Variants in NEGR1 observed in about 807,000 individuals in gnomAD.
NEGR1 encodes IgLON family member 4.
In NEGR1, 10 loss-of-function variants were observed where a neutral mutation model predicts 40.9. The observed-to-expected ratio is 0.24, with a 90% confidence interval of 0.15 to 0.42. NEGR1 has a LOEUF of 0.42. Among genes scored for constraint, NEGR1 ranks in the 10% least tolerant of loss-of-function variants. The pLI is 1.00. For synonymous variants in NEGR1, 185 were observed against 166.8 expected, an observed-to-expected ratio of 1.11 and a Z score of -0.84; for missense variants, 352 against 438.9, an observed-to-expected ratio of 0.80 and a Z score of 1.77.
chr1:72,110,442 G>C (rs1025148319), intron 1 of NEGR1, among the ~76,000 whole-genome samples: 1 of 151,480 alleles, frequency 6.6e-6, no homozygotes, highest in Admixed American at 6.6e-5. Context: ...AAGTAAGAAA[G>C]AGTCTTTCTT....
chr1:71,524,944 T>C (rs3843259), intron 6 of NEGR1, among the ~76,000 whole-genome samples: 38,628 of 151,622 alleles, frequency 0.25, 6,283 homozygotes, highest in East Asian at 0.61. Flanking sequence ...GGAAAATAGA[T>C]TTTCTCCTAC....
intron 1 of NEGR1, among the ~76,000 whole-genome samples, chr1:72,062,316 C>G (rs1647191786): frequency 6.6e-6 from 1 of 151,854 alleles, no homozygotes; most frequent in Non-Finnish European, 1.5e-5. Flanking sequence ...ATCCTCCAGG[C>G]AGAATTAATC....
rs569042406 is a variant in NEGR1, at chr1:71,487,586, T to C, written c.941-80016A>G. Among the ~76,000 whole-genome samples, 39 of 151,888 alleles carry C rather than the reference T, an allele frequency of 2.6e-4. No homozygotes were observed. In the East Asian group the frequency reaches 6.6e-3, roughly 26 times the overall value. On this transcript the variant is annotated intron_variant, in intron 6 of 6. Transcript: ENST00000357731. ...CTCCATTTTTGTATCATTAGCCAAA[T>C]TGACTAATATGAAGTCTGCTCAGGA...
At chr1:71,451,463 A>G (rs1386645061) in intron 6 of NEGR1, among the ~76,000 whole-genome samples, 2 of 151,558 alleles carry the variant, frequency 1.3e-5, no homozygotes, top group Non-Finnish European at 2.9e-5. Flanking sequence ...CCTCCCGAGT[A>G]GCTGGGATTA....
At chr1:72,125,279 C>A (rs1258294578) in intron 1 of NEGR1, among the ~76,000 whole-genome samples, 3 of 151,982 alleles carry the variant, frequency 2.0e-5, no homozygotes, top group African/African-American at 7.2e-5. Context: ...TAAAAGGCTA[C>A]ATGGGCACAT....
At chr1:71,619,089 T>C (rs1008172922) in intron 4 of NEGR1, among the ~76,000 whole-genome samples, 1 of 152,156 alleles carries the variant, frequency 6.6e-6, no homozygotes, top group Non-Finnish European at 1.5e-5. Context: ...AAGGATATGG[T>C]CATTTATTTC....
At chr1:71,513,656 G>C (rs1005310555) in intron 6 of NEGR1, among the ~76,000 whole-genome samples, 1 of 152,166 alleles carries the variant, frequency 6.6e-6, no homozygotes, top group Non-Finnish European at 1.5e-5. Context: ...AGGAGAAACT[G>C]AGATTCACGG....
chr1:71,465,220 G>C (rs1373275293), intron 6 of NEGR1, among the ~76,000 whole-genome samples: 1 of 152,098 alleles, frequency 6.6e-6, no homozygotes, highest in Non-Finnish European at 1.5e-5. Flanking sequence ...AAACAGCAGA[G>C]TCAGGTATTT....
chr1:72,044,943 T>G (rs904043955), intron 1 of NEGR1, among the ~76,000 whole-genome samples: 6 of 151,848 alleles, frequency 4.0e-5, no homozygotes, highest in Non-Finnish European at 7.4e-5. Context: ...TTGTGGTACT[T>G]AAGAACAGGG....
intron 1 of NEGR1, among the ~76,000 whole-genome samples, chr1:72,247,144 C>T (rs1227701963): frequency 1.3e-5 from 2 of 152,176 alleles, no homozygotes; most frequent in African/African-American, 2.4e-5. Context: ...GAGGGGCTGT[C>T]ATTAAGGTCT....
chr1:71,438,000 A>G (rs951304055), intron 6 of NEGR1, among the ~76,000 whole-genome samples: 2 of 152,200 alleles, frequency 1.3e-5, no homozygotes, highest in African/African-American at 2.4e-5. Context: ...CAGGGGCTGC[A>G]TGGTTTGCTA....
chr1:71,801,019 C>G (rs1557657300), intron 2 of NEGR1, among the ~76,000 whole-genome samples: 1 of 152,188 alleles, frequency 6.6e-6, no homozygotes, highest in Non-Finnish European at 1.5e-5. Flanking sequence ...CCTGCAACTA[C>G]CTTCTTTCCT....
At chr1:71,596,044 CAAA>C (rs148493700) in intron 5 of NEGR1, among the ~76,000 whole-genome samples, 74,522 of 132,524 alleles carry the variant, frequency 0.56, 20,655 homozygotes, top group Middle Eastern at 0.65. Flanking sequence ...CTCCCTGCCA[CAAA>C]AAAAAAAAAA....
chr1:72,083,269 C>A (rs1268358058), intron 1 of NEGR1, among the ~76,000 whole-genome samples: 1 of 152,066 alleles, frequency 6.6e-6, no homozygotes, highest in East Asian at 1.9e-4. Context: ...TGCCTGCCTG[C>A]CTCCTTCCCT....
At chr1:71,575,546 G>A (rs1412287946) in intron 6 of NEGR1, among the ~76,000 whole-genome samples, 1 of 152,208 alleles carries the variant, frequency 6.6e-6, no homozygotes, top group Non-Finnish European at 1.5e-5. Flanking sequence ...TACTTTGGGA[G>A]GCCGAGGTGG....
chr1:72,136,086 T>A (rs899189675), intron 1 of NEGR1, among the ~76,000 whole-genome samples: 2 of 152,018 alleles, frequency 1.3e-5, no homozygotes, highest in South Asian at 4.1e-4. Flanking sequence ...AACAACAACA[T>A]AAAATTCACA....
chr1:71,644,251 A>G (rs1309774368), intron 4 of NEGR1, among the ~76,000 whole-genome samples: 1 of 151,944 alleles, frequency 6.6e-6, no homozygotes, highest in Non-Finnish European at 1.5e-5. Context: ...CCCCAGGGTT[A>G]GAATACTAAT....
intron 1 of NEGR1, among the ~76,000 whole-genome samples, chr1:72,275,478 G>GAA (rs905349645): frequency 6.6e-6 from 1 of 151,290 alleles, no homozygotes; most frequent in Non-Finnish European, 1.5e-5. Flanking sequence ...TACTCCTAGG[G>GAA]AAAAAAAACA....
intron 6 of NEGR1, among the ~76,000 whole-genome samples, chr1:71,469,990 T>A (rs949367773): frequency 2.6e-5 from 4 of 152,102 alleles, no homozygotes; most frequent in Non-Finnish European, 5.9e-5. Flanking sequence ...AAGTAAAGTC[T>A]TTTTAGTCTT....
Sources: allele counts gnomAD v4.1 joint callset (sites outside exome capture counted in the v4.1 genomes callset), GRCh38; gene constraint gnomAD v4.1.1; transcripts MANE v1.5; gene names NCBI Gene and HGNC (gene_info 2026-07-23, HGNC 2026-07-21).